The following CASK variants were observed in gnomAD, a reference collection of about 807,000 sequenced individuals.
CASK encodes the protein peripheral plasma membrane protein CASK.
Under a neutral mutation model 82.9 loss-of-function variants are expected in CASK, and 4 were observed. That is an observed-to-expected ratio of 0.05 (90% confidence interval 0.02 to 0.11). The LOEUF is 0.11. Ranked by LOEUF, CASK falls within the 10% of genes least tolerant of loss-of-function variation. The pLI is 1.00. For synonymous variants in CASK, 259 were observed against 253.5 expected (o/e 1.02, Z -0.20); for missense variants, 358 against 720.9 (o/e 0.50, Z 5.76).
At chrX:41,907,076 A>C (rs1175331912) in intron 1 of CASK, among the ~76,000 whole-genome samples, 2 of 112,195 alleles carry the variant, frequency 1.8e-5, no homozygotes, top group South Asian at 7.4e-4. Flanking sequence ...GAAAGCCTAA[A>C]TTAAATGTCT....
intron 2 of CASK, among the ~76,000 whole-genome samples, chrX:41,852,555 T>C (rs1166771980): frequency 6.3e-5 from 7 of 111,616 alleles, no homozygotes; most frequent in African/African-American, 2.3e-4. Flanking sequence ...AATATACATA[T>C]AAATATGATT....
chrX:41,620,984 C>T (rs986694406), intron 11 of CASK, among the ~76,000 whole-genome samples: 4 of 111,546 alleles, frequency 3.6e-5, no homozygotes, highest in Non-Finnish European at 7.5e-5. Context: ...GAAACATCTT[C>T]GAGCACAGAT....
chrX:41,751,069 T>C (rs112650135), intron 3 of CASK, among the ~76,000 whole-genome samples: 5,461 of 111,710 alleles, frequency 0.049, 136 homozygotes, highest in Non-Finnish European at 0.08. Flanking sequence ...CTGTATGAAA[T>C]GTTTAAAATT....
At chrX:41,571,759 G>A (rs1481886687) in intron 15 of CASK, among the ~76,000 whole-genome samples, 2 of 111,564 alleles carry the variant, frequency 1.8e-5, no homozygotes, top group Admixed American at 1.9e-4. Context: ...GATTTGAGAT[G>A]TTTCTTCTTT....
chrX:41,916,599 T>C (rs1215740935), intron 1 of CASK, among the ~76,000 whole-genome samples: 3 of 112,511 alleles, frequency 2.7e-5, no homozygotes, highest in Admixed American at 1.9e-4. Flanking sequence ...CTCTTGATTA[T>C]TTAAGGTGTA....
chrX:41,708,526 T>G (rs1304877784), intron 5 of CASK, among the ~76,000 whole-genome samples: 1 of 112,143 alleles, frequency 8.9e-6, no homozygotes, highest in Non-Finnish European at 1.9e-5. Flanking sequence ...ACATACCCTA[T>G]TAAGGGCAGA....
chrX:41,878,453 G>A (rs953123325), intron 1 of CASK, among the ~76,000 whole-genome samples: 3 of 111,061 alleles, frequency 2.7e-5, no homozygotes, highest in Non-Finnish European at 3.8e-5. Context: ...GGTTTTTGCA[G>A]TCTTTCCTGA....
chrX:41,728,373 A>G (rs952870153), intron 5 of CASK: 3 of 146,611 alleles, frequency 2.0e-5, no homozygotes, highest in Non-Finnish European at 4.3e-5. Context: ...CAAATGGTTT[A>G]TGACTTGTCT....
intron 22 of CASK, among the ~76,000 whole-genome samples, chrX:41,537,818 T>TTTATTATTATTATTATTA (rs55857120): frequency 2.1e-5 from 2 of 95,365 alleles, no homozygotes; most frequent in East Asian, 3.1e-4. Context: ...GCCTATTACT[T>TTTATTATTATTATTATTA]TTATTATTAT....
rs1406208921 is a variant in CASK, at chrX:41,923,261, T to TCGGGCCGCGCTGCC, written c.-287_-274dup. 9.4e-6 allele frequency: 1 copy of TCGGGCCGCGCTGCC among 106,094 alleles called. No homozygotes were observed. Among genetic ancestry groups the TCGGGCCGCGCTGCC allele is most frequent in the Non-Finnish European group, 2.0e-5 (1 of 50,838 alleles). 8.7% of individuals were successfully genotyped at this position (106,094 alleles called of 1,213,427 possible). On this transcript the variant is annotated 5_prime_UTR_variant, in exon 1 of 27. Coordinates refer to ENST00000378163, the MANE Select transcript of CASK (RefSeq NM_001367721.1). The stretch of plus-strand genomic sequence containing the variant: ...GCCCGCCCGCTGCTTCTCGCGCTGC[T>TCGGGCCGCGCTGCC]CGGGCCGCGCTGCCCGGCGTGCGGA...
intron 8 of CASK, among the ~76,000 whole-genome samples, chrX:41,646,130 T>A (rs1328956620): frequency 1.8e-5 from 2 of 111,410 alleles, no homozygotes; most frequent in Non-Finnish European, 3.8e-5. Context: ...CAGCTACAGA[T>A]AAAACAGGAC....
intron 1 of CASK, among the ~76,000 whole-genome samples, chrX:41,887,797 A>G (rs1415481192): frequency 3.6e-5 from 4 of 110,491 alleles, no homozygotes; most frequent in African/African-American, 1.3e-4. Context: ...TACAGATGCC[A>G]CTTTTCCTCA....
chrX:41,571,596 A>G (rs1276707589), intron 15 of CASK, among the ~76,000 whole-genome samples: 1 of 111,452 alleles, frequency 9.0e-6, no homozygotes, highest in Non-Finnish European at 1.9e-5. Flanking sequence ...CCAAAGAAAA[A>G]GTATTTTCTG....
At chrX:41,882,212 A>G (rs1156552911) in intron 1 of CASK, among the ~76,000 whole-genome samples, 1 of 111,472 alleles carries the variant, frequency 9.0e-6, no homozygotes. Context: ...AATATTTAAA[A>G]CATTATGGAA....
intron 3 of CASK, among the ~76,000 whole-genome samples, chrX:41,765,997 T>C (rs2069106034): frequency 1.8e-5 from 2 of 112,346 alleles, no homozygotes. Flanking sequence ...TTTTGCAGAA[T>C]GTTAATTTTG....
chrX:41,912,159 T>C (rs1255616545), intron 1 of CASK, among the ~76,000 whole-genome samples: 1 of 109,534 alleles, frequency 9.1e-6, no homozygotes, highest in Non-Finnish European at 1.9e-5. Flanking sequence ...AAACACTGCA[T>C]GTTCTTACTC....
chrX:41,704,629 T>C (rs2067855789), intron 5 of CASK, among the ~76,000 whole-genome samples: 3 of 112,104 alleles, frequency 2.7e-5, no homozygotes. Context: ...GGATTGATCT[T>C]GGCCAATGTA....
intron 8 of CASK, among the ~76,000 whole-genome samples, chrX:41,643,168 T>G (rs1473783237): frequency 1.8e-5 from 2 of 111,956 alleles, no homozygotes; most frequent in East Asian, 5.6e-4. Flanking sequence ...TTTTGGTTAC[T>G]GTAGCCTTGT....
chrX:41,830,751 C>A lies in CASK; in HGVS notation c.172+22364G>T, dbSNP rs1162408010. On this transcript the variant is annotated intron_variant, in intron 2 of 26. Coordinates refer to ENST00000378163, the MANE Select transcript of CASK (RefSeq NM_001367721.1). ...AGGAGTATGGCGTGAACCCAGGAGGCGGAGCTTGCAGTGAGCCGAGATCGC... is the reference window on the plus strand; with the variant it reads ...AGGAGTATGGCGTGAACCCAGGAGGAGGAGCTTGCAGTGAGCCGAGATCGC... Among the ~76,000 whole-genome samples the A allele has an allele frequency of 1.4e-4, 13 of 95,793 alleles. No homozygotes were observed. The Admixed American group carries it at 1.4e-3, about 10-fold the overall frequency. 83.2% of individuals were successfully genotyped at this position (95,793 alleles called of 115,157 possible).
Sources: allele counts gnomAD v4.1 joint callset (sites outside exome capture counted in the v4.1 genomes callset), GRCh38; gene constraint gnomAD v4.1.1; transcripts MANE v1.5; gene names NCBI Gene and HGNC (gene_info 2026-07-23, HGNC 2026-07-21).